Variants in DIS3L2 observed in about 807,000 individuals in gnomAD.
DIS3L2 encodes DIS3-like exonuclease 2.
Under a neutral mutation model 97.5 loss-of-function variants are expected in DIS3L2, and 34 were observed. The ratio of observed to expected loss-of-function variants is 0.35; its 90% CI spans 0.27 to 0.46. DIS3L2 has a LOEUF of 0.46. DIS3L2 is among the 20% of genes least tolerant of loss of function. The pLI is 1.00. For missense variants in DIS3L2, 1,038 were observed against 1,146.0 expected, an observed-to-expected ratio of 0.91 and a Z score of 1.36; for synonymous variants, 435 against 445.2, an observed-to-expected ratio of 0.98 and a Z score of 0.29.
intron 5 of DIS3L2, among the ~76,000 whole-genome samples, chr2:232,062,737 C>A (rs1695747181): frequency 6.6e-6 from 1 of 152,048 alleles, no homozygotes; most frequent in Non-Finnish European, 1.5e-5. Context: ...CTAGGAAAGA[C>A]ATGTATGTAT....
chr2:232,002,124 A>G (rs1366951827), intron 1 of DIS3L2, among the ~76,000 whole-genome samples: 1 of 152,154 alleles, frequency 6.6e-6, no homozygotes, highest in East Asian at 1.9e-4. Context: ...CATTTATTGA[A>G]GAGATTGTCC....
rs79545701 is a variant in DIS3L2, at chr2:232,121,687, C to T, written c.602-8932C>T. Among the ~76,000 whole-genome samples, 430 of 152,268 alleles carry T rather than the reference C, an allele frequency of 2.8e-3. 1 individual carries two copies. Among genetic ancestry groups the T allele is most frequent in the Non-Finnish European group, 4.7e-3 (318 of 68,016 alleles). On this transcript the variant is annotated intron_variant, in intron 6 of 20. Transcript: ENST00000325385. ...GGCTCGTGAAGCTACAGAGTACTGG[C>T]CCGCAACCCCAGAGGCTCCGAGTCT...
chr2:231,996,845 T>TA (rs1355890811), intron 1 of DIS3L2, among the ~76,000 whole-genome samples: 1 of 152,228 alleles, frequency 6.6e-6, no homozygotes, highest in Non-Finnish European at 1.5e-5. Flanking sequence ...TTTTCTGTCT[T>TA]TATACTTGTC....
At chr2:232,188,123 G>C (rs1054406141) in intron 9 of DIS3L2, among the ~76,000 whole-genome samples, 6 of 152,066 alleles carry the variant, frequency 3.9e-5, no homozygotes. Flanking sequence ...CTGGGCGACA[G>C]AGCAAGACTC....
chr2:232,112,483 A>T (rs1697567825), intron 6 of DIS3L2, among the ~76,000 whole-genome samples: 1 of 152,150 alleles, frequency 6.6e-6, no homozygotes, highest in Non-Finnish European at 1.5e-5. Flanking sequence ...TGTGCTCTGG[A>T]TCTTGCCTGC....
intron 9 of DIS3L2, among the ~76,000 whole-genome samples, chr2:232,181,181 G>A (rs1393283310): frequency 6.1e-5 from 9 of 147,646 alleles, no homozygotes; most frequent in East Asian, 2.0e-4. Flanking sequence ...CGAGAGATCC[G>A]CTGTTAGTCT....
chr2:232,197,074 A>C (rs1691775876), intron 9 of DIS3L2, among the ~76,000 whole-genome samples: 1 of 152,194 alleles, frequency 6.6e-6, no homozygotes, highest in South Asian at 2.1e-4. Flanking sequence ...TTTCAACAGC[A>C]GGTTCTGAAT....
intron 9 of DIS3L2, among the ~76,000 whole-genome samples, chr2:232,165,815 A>G (rs1170795102): frequency 6.6e-6 from 1 of 152,216 alleles, no homozygotes. Flanking sequence ...GGCGTGAGCC[A>G]CCACACCTGG....
chr2:232,136,514 G>A lies in DIS3L2; in HGVS notation c.745G>A (p.Gly249Ser), dbSNP rs985913473. Reference sequence around the variant, plus strand: ...GAAAAAACATTCTCGAGCAGCAACCGGCTTCCTCAAACTCTTGGCTGATAA... The same window carrying A: ...GAAAAAACATTCTCGAGCAGCAACCAGCTTCCTCAAACTCTTGGCTGATAA... ...LEKKHSRAAT[G>S]FLKLLADKNS... Residue 249 changes from glycine (G) to serine (S), a missense_variant, in exon 8 of 21, where the codon GGC becomes AGC. Physicochemically the swap from Gly to Ser is moderately conservative, Grantham distance 56 (BLOSUM62 0). Transcript: ENST00000325385. 2.5e-6 allele frequency: 4 copies of A among 1,613,970 alleles called. No homozygotes were observed. The highest frequency in any genetic ancestry group is 1.7e-5 in the Admixed American group (1 of 60,006).
At chr2:232,108,148 A>C (rs191432284) in intron 6 of DIS3L2, among the ~76,000 whole-genome samples, 1 of 152,338 alleles carries the variant, frequency 6.6e-6, no homozygotes, top group Non-Finnish European at 1.5e-5. Flanking sequence ...AATATTGGCA[A>C]ACCGAGTTCA....
Position 232,336,665 on chromosome 2 carries a change from G to A in DIS3L2, c.*35G>A. The A allele has an allele frequency of 6.4e-7, 1 of 1,550,442 alleles. No individual in the cohort carries two copies. The highest frequency in any genetic ancestry group is 8.7e-7 in the Non-Finnish European group (1 of 1,151,692). On this transcript the variant is annotated 3_prime_UTR_variant, in exon 21 of 21. Coordinates refer to ENST00000325385, the MANE Select transcript of DIS3L2 (RefSeq NM_152383.5). ...GCCGCCTGCCCCGCCTGCCCCGCCT[G>A]CCTGTCCCGCCACACTGGCTTTAGG... is the stretch of plus-strand genomic sequence containing the variant.
intron 9 of DIS3L2, among the ~76,000 whole-genome samples, chr2:232,195,423 G>A (rs1404077089): frequency 6.6e-6 from 1 of 152,160 alleles, no homozygotes; most frequent in Non-Finnish European, 1.5e-5. Context: ...TCAGAGGCTA[G>A]GGTTTTTAAA....
At chr2:232,186,031 A>C (rs369469610) in intron 9 of DIS3L2, among the ~76,000 whole-genome samples, 1 of 152,290 alleles carries the variant, frequency 6.6e-6, no homozygotes, top group African/African-American at 2.4e-5. Flanking sequence ...GGATCTCACT[A>C]TGTTGCCCAG....
chr2:232,099,411 T>C (rs1208053546), intron 6 of DIS3L2, among the ~76,000 whole-genome samples: 1 of 152,078 alleles, frequency 6.6e-6, no homozygotes, highest in Non-Finnish European at 1.5e-5. Flanking sequence ...AGACGGGGTT[T>C]TGCCATGTTG....
intron 13 of DIS3L2, among the ~76,000 whole-genome samples, chr2:232,275,585 T>G (rs1412591487): frequency 6.6e-6 from 1 of 152,264 alleles, no homozygotes; most frequent in East Asian, 1.9e-4. Flanking sequence ...TTTTGCTTTA[T>G]AATACTTCTT....
chr2:232,065,046 A>G (rs951114770), intron 5 of DIS3L2, among the ~76,000 whole-genome samples: 1 of 152,120 alleles, frequency 6.6e-6, no homozygotes, highest in African/African-American at 2.4e-5. Flanking sequence ...CCTATCTAAT[A>G]TATCTCTGTC....
intron 13 of DIS3L2, among the ~76,000 whole-genome samples, chr2:232,291,403 G>A (rs140948295): frequency 9.5e-4 from 145 of 152,348 alleles, no homozygotes; most frequent in East Asian, 8.7e-3. Flanking sequence ...GCCATAAATG[G>A]CATAGCTGAA....
rs538188509 is a variant in DIS3L2, at chr2:232,263,324, C to A, written c.1543C>A (p.Pro515Thr). 1.2e-6 allele frequency: 2 copies of A among 1,614,216 alleles called. No homozygotes were observed. Among genetic ancestry groups the A allele is most frequent in the South Asian group, 1.1e-5 (1 of 91,082 alleles). ...GAAAATCCCTGCGAAAGAGCTGCCC[C>A]CCATTTCCCCAGAGCATAGCAGCGA... ...TEKIPAKELP[P>T]ISPEHSSEEV... The change falls in exon 13 of 21, where the codon CCC (proline) becomes ACC (threonine). Residue 515 changes from proline (P) to threonine (T), a missense_variant. Around this residue, in one of 3 missense-constraint regions of DIS3L2, gnomAD observed 813 missense variants for 880.1 expected, o/e 0.92. Transcript: ENST00000325385.
At chr2:232,224,879 G>A (rs1398953205) in intron 10 of DIS3L2, among the ~76,000 whole-genome samples, 2 of 150,642 alleles carry the variant, frequency 1.3e-5, no homozygotes, top group Admixed American at 6.6e-5. Flanking sequence ...GAAAAGGCAA[G>A]CCACAGAGTG....
Sources: allele counts gnomAD v4.1 joint callset (sites outside exome capture counted in the v4.1 genomes callset), GRCh38; gene constraint gnomAD v4.1.1; regional missense constraint gnomAD v4.1.1; transcripts MANE v1.5; gene names NCBI Gene and HGNC (gene_info 2026-07-23, HGNC 2026-07-21).